The following SOX5 variants were observed in gnomAD, a reference collection of about 807,000 sequenced individuals.
SOX5 encodes the protein transcription factor SOX-5.
In SOX5, 9 loss-of-function variants were observed where a neutral mutation model predicts 92.0. The observed-to-expected ratio is 0.10, with a 90% CI of 0.06 to 0.17. SOX5 has a LOEUF of 0.17. SOX5 is among the 10% of genes least tolerant of loss of function. SOX5 has a pLI of 1.00. For missense variants in SOX5, 642 were observed against 944.5 expected (o/e 0.68, Z 4.20); for synonymous variants, 344 against 336.3 (o/e 1.02, Z -0.25).
chr12:24,022,460 T>C (rs1396729404), intron 4 of SOX5, among the ~76,000 whole-genome samples: 5 of 152,144 alleles, frequency 3.3e-5, no homozygotes, highest in Non-Finnish European at 7.3e-5. Flanking sequence ...GCTGGTGTCA[T>C]CCTAAATACA....
chr12:23,799,766 G>A (rs924831710), intron 3 of SOX5, among the ~76,000 whole-genome samples: 6 of 151,830 alleles, frequency 4.0e-5, no homozygotes, highest in African/African-American at 1.5e-4. Context: ...TAAAATTACA[G>A]ACAGTGTCCT....
At chr12:23,758,656 A>T (rs1398490994) in intron 3 of SOX5, among the ~76,000 whole-genome samples, 1 of 152,040 alleles carries the variant, frequency 6.6e-6, no homozygotes, top group Non-Finnish European at 1.5e-5. Flanking sequence ...TTTGCAGCAC[A>T]TACATTGCTG....
At chr12:24,213,129 T>C (rs898168877) in intron 4 of SOX5, among the ~76,000 whole-genome samples, 3 of 152,202 alleles carry the variant, frequency 2.0e-5, no homozygotes, top group African/African-American at 7.2e-5. Context: ...ATTTTGTTTC[T>C]ATTCTTGATA....
At chr12:24,254,090 G>A (rs1013394749) in intron 3 of SOX5, among the ~76,000 whole-genome samples, 2 of 152,088 alleles carry the variant, frequency 1.3e-5, no homozygotes, top group African/African-American at 4.8e-5. Flanking sequence ...CCATTGCTTC[G>A]AAAGCTACAG....
In SOX5 at chr12:24,262,460, A is replaced by C. The variant is rs551120401; in HGVS notation, c.-77+14756T>G. On this transcript the variant is annotated intron_variant, in intron 3 of 4. Coordinates refer to the SOX5 transcript ENST00000446891. ...CCATTGACAAACAATGATTTCTCCC[A>C]GATGTTGTGGAGCAATAAATTTGAG... Among the ~76,000 whole-genome samples the C allele has an allele frequency of 1.2e-4, 18 of 152,320 alleles. 1 individual carries two copies. The highest frequency in any genetic ancestry group is 8.5e-4 in the Admixed American group (13 of 15,304).
At chr12:24,415,771 G>C (rs537651156) in intron 1 of SOX5, among the ~76,000 whole-genome samples, 2 of 152,290 alleles carry the variant, frequency 1.3e-5, no homozygotes, top group Admixed American at 1.3e-4. Context: ...AGCAATATCC[G>C]TAACGTACTT....
chr12:24,328,561 T>A (rs1950959821), intron 2 of SOX5, among the ~76,000 whole-genome samples: 1 of 152,200 alleles, frequency 6.6e-6, no homozygotes, highest in Non-Finnish European at 1.5e-5. Flanking sequence ...GGTTTGATAT[T>A]TCTCTACCTC....
chr12:24,381,740 T>G (rs1957851760), intron 1 of SOX5, among the ~76,000 whole-genome samples: 1 of 152,196 alleles, frequency 6.6e-6, no homozygotes, highest in African/African-American at 2.4e-5. Flanking sequence ...CCACACATAG[T>G]TTTTTGTTCA....
At chr12:24,301,603 A>G (rs1211000207) in intron 2 of SOX5, among the ~76,000 whole-genome samples, 1 of 152,210 alleles carries the variant, frequency 6.6e-6, no homozygotes, top group Non-Finnish European at 1.5e-5. Context: ...GCAAAGGGAG[A>G]TGAATATTTT....
intron 2 of SOX5, among the ~76,000 whole-genome samples, chr12:24,305,772 A>T (rs1948495339): frequency 6.6e-6 from 1 of 151,976 alleles, no homozygotes; most frequent in African/African-American, 2.4e-5. Flanking sequence ...TAATTTTTGT[A>T]TTTTAATAGA....
chr12:24,442,129 G>A (rs1940708306), intron 1 of SOX5, among the ~76,000 whole-genome samples: 1 of 152,058 alleles, frequency 6.6e-6, no homozygotes, highest in South Asian at 2.1e-4. Context: ...TCTTAAAAAA[G>A]GTATCTATGA....
intron 1 of SOX5, among the ~76,000 whole-genome samples, chr12:24,516,521 A>G (rs1332944791): frequency 6.6e-6 from 1 of 152,236 alleles, no homozygotes; most frequent in Non-Finnish European, 1.5e-5. Flanking sequence ...CCTGATTGCC[A>G]GCTCTCCTGA....
intron 5 of SOX5, 81 bp downstream of exon 5, chr12:23,740,786 T>G: frequency 8.8e-7 from 1 of 1,139,256 alleles, no homozygotes; most frequent in Non-Finnish European, 1.2e-6. Flanking sequence ...TATTCATTGT[T>G]GTGTGCCTAG....
At chr12:24,175,284 T>C (rs1954679780) in intron 4 of SOX5, among the ~76,000 whole-genome samples, 2 of 152,226 alleles carry the variant, frequency 1.3e-5, no homozygotes, top group South Asian at 2.1e-4. Context: ...ATAAGGATTG[T>C]GTAATATCTA....
At chr12:23,636,084 T>G (rs934322049) in intron 8 of SOX5, among the ~76,000 whole-genome samples, 3 of 152,180 alleles carry the variant, frequency 2.0e-5, no homozygotes, top group Non-Finnish European at 4.4e-5. Flanking sequence ...GTATATTTCC[T>G]CTTCATAGTC....
intron 3 of SOX5, among the ~76,000 whole-genome samples, chr12:23,795,731 G>T (rs192834633): frequency 1.3e-5 from 2 of 152,214 alleles, no homozygotes; most frequent in South Asian, 2.1e-4. Flanking sequence ...ATTTCCAAAG[G>T]TTGCTGCTAT....
intron 3 of SOX5, among the ~76,000 whole-genome samples, chr12:23,755,946 A>C (rs369517356): frequency 7.6e-4 from 115 of 151,950 alleles, no homozygotes; most frequent in African/African-American, 2.7e-3. Context: ...AGCCATACTG[A>C]TTCTTTATGA....
intron 2 of SOX5, among the ~76,000 whole-genome samples, chr12:24,282,523 A>C (rs1945330315): frequency 3.0e-5 from 2 of 67,512 alleles, no homozygotes; most frequent in Non-Finnish European, 6.4e-5. Flanking sequence ...CATAAGAAAA[A>C]CTAGAAACAA....
At chr12:24,054,708 G>C (rs1401283579) in intron 4 of SOX5, among the ~76,000 whole-genome samples, 2 of 152,128 alleles carry the variant, frequency 1.3e-5, no homozygotes, top group Non-Finnish European at 2.9e-5. Context: ...CAAAACATAA[G>C]TGGAAAGATG....
Sources: gnomAD v4.1 joint callset for allele counts (sites outside exome capture counted in the v4.1 genomes callset) on GRCh38, gnomAD v4.1.1 for gene constraint, MANE v1.5 for transcripts, NCBI Gene and HGNC (gene_info 2026-07-23, HGNC 2026-07-21) for gene names.